Variants in APLF observed in about 807,000 individuals in gnomAD.
APLF encodes the protein aprataxin and PNKP like factor.
A neutral mutation model predicts 55.6 loss-of-function variants in APLF; 61 were observed. The observed-to-expected ratio is 1.10, with a 90% CI of 0.89 to 1.36. The LOEUF is 1.36. Among genes scored for constraint, APLF ranks in the 40% most tolerant of loss-of-function variants. The pLI, the probability that APLF is intolerant of heterozygous loss-of-function variation, is 0.00. For missense variants in APLF, 611 were observed against 602.5 expected (o/e 1.01, Z -0.15); for synonymous variants, 207 against 214.8 (o/e 0.96, Z 0.32).
intron 2 of APLF, 55 bp from the exon 3 acceptor site, chr2:68,502,676 A>G: frequency 1.9e-6 from 2 of 1,074,726 alleles, no homozygotes; most frequent in Non-Finnish European, 2.4e-6. Context: ...GAGTTACAAC[A>G]TTATTGTATT....
At chr2:68,499,622 T>C (rs1676661049) in intron 2 of APLF, among the ~76,000 whole-genome samples, 1 of 152,154 alleles carries the variant, frequency 6.6e-6, no homozygotes, top group Non-Finnish European at 1.5e-5. Flanking sequence ...GTGGATCACT[T>C]GAGGCCAGGA....
intron 5 of APLF, among the ~76,000 whole-genome samples, chr2:68,515,230 C>T (rs1300114006): frequency 1.3e-5 from 2 of 151,544 alleles, no homozygotes; most frequent in East Asian, 3.9e-4. Context: ...AAGACTTTTG[C>T]AGTAAGTTAT....
chr2:68,485,809 C>A (rs1010284148), intron 1 of APLF, among the ~76,000 whole-genome samples: 1 of 129,204 alleles, frequency 7.7e-6, no homozygotes, highest in Non-Finnish European at 1.6e-5. Context: ...TTTATTATCT[C>A]TTTTTTTTTT....
chr2:68,521,074 T>TTTTG (rs374426866), intron 5 of APLF, among the ~76,000 whole-genome samples: 3 of 151,824 alleles, frequency 2.0e-5, no homozygotes, highest in Non-Finnish European at 2.9e-5. Context: ...TTTGTTTTTG[T>TTTTG]TTTGTTTGTT....
chr2:68,481,613 A>G (rs2103889737), intron 1 of APLF, among the ~76,000 whole-genome samples: 1 of 152,092 alleles, frequency 6.6e-6, no homozygotes, highest in African/African-American at 2.4e-5. Flanking sequence ...TTATTTGAGA[A>G]CTTTTGCGCT....
rs1669478600 is a variant in APLF, at chr2:68,513,588, C to T, written c.530C>T (p.Pro177Leu). 1.2e-6 allele frequency: 2 copies of T among 1,611,368 alleles called. 1 individual carries two copies. Among genetic ancestry groups the T allele is most frequent in the East Asian group, 4.5e-5 (2 of 44,784 alleles). ...GENRDCNKQQPILAERKRILP... is the reference protein window; with the variant it reads ...GENRDCNKQQLILAERKRILP... ...AATAGAGACTGCAATAAGCAGCAGC[C>T]AATCCTTGCCGAGAGGAAAAGAATC... Residue 177 changes from proline to leucine, a missense_variant, in exon 5 of 10, where the codon CCA becomes CTA. Physicochemically the swap from Pro to Leu is moderately conservative, Grantham distance 98. Transcript: ENST00000303795.
At chr2:68,489,949 C>T (rs181443187) in intron 1 of APLF, among the ~76,000 whole-genome samples, 192 of 152,120 alleles carry the variant, frequency 1.3e-3, no homozygotes, top group African/African-American at 4.5e-3. Context: ...TTTTGGGATC[C>T]GTTAGATTCT....
At chr2:68,532,355 A>G (rs1383152534) in intron 6 of APLF, among the ~76,000 whole-genome samples, 1 of 152,222 alleles carries the variant, frequency 6.6e-6, no homozygotes, top group Non-Finnish European at 1.5e-5. Context: ...GAGAGAAGGG[A>G]CAAAAATCAC....
intron 1 of APLF, among the ~76,000 whole-genome samples, chr2:68,468,597 C>T (rs1003168589): frequency 2.6e-5 from 4 of 152,188 alleles, no homozygotes; most frequent in African/African-American, 9.7e-5. Flanking sequence ...ATATTCTCTA[C>T]CTTCTTTGGG....
At chr2:68,518,378 GTATTA>G (rs1302672233) in intron 5 of APLF, among the ~76,000 whole-genome samples, 1 of 106,726 alleles carries the variant, frequency 9.4e-6, no homozygotes, top group East Asian at 2.8e-4. Context: ...ATATATGACT[GTATTA>G]TATTATTAAT....
intron 1 of APLF, among the ~76,000 whole-genome samples, chr2:68,473,270 A>T (rs1675676218): frequency 6.6e-6 from 1 of 152,228 alleles, no homozygotes; most frequent in South Asian, 2.1e-4. Flanking sequence ...AGTTGGAGTC[A>T]TACAGTACAT....
intron 1 of APLF, among the ~76,000 whole-genome samples, chr2:68,479,699 A>G (rs1385574403): frequency 6.6e-6 from 1 of 152,222 alleles, no homozygotes; most frequent in Non-Finnish European, 1.5e-5. Context: ...TTGGAACTGT[A>G]TAAAAACTTT....
At chr2:68,562,943 G>T (rs529756622) in intron 8 of APLF, among the ~76,000 whole-genome samples, 17 of 152,086 alleles carry the variant, frequency 1.1e-4, no homozygotes, top group African/African-American at 3.9e-4. Context: ...TCATTTTCTT[G>T]TTAAAGTCCA....
chr2:68,540,778 GTGTGTGTGTA>G (rs142606608), intron 7 of APLF, among the ~76,000 whole-genome samples: 14,342 of 152,000 alleles, frequency 0.094, 799 homozygotes, highest in African/African-American at 0.15. Context: ...ATGCGTGTGT[GTGTGTGTGTA>G]TGTGTGTGTA....
chr2:68,505,006 C>CATTT (rs754056238), intron 3 of APLF, among the ~76,000 whole-genome samples: 38 of 151,956 alleles, frequency 2.5e-4, no homozygotes, highest in Admixed American at 7.2e-4. Flanking sequence ...TGGGTGTACG[C>CATTT]ATTTGTCAAA....
At chr2:68,575,870 T>G (rs1473807089) in intron 9 of APLF, among the ~76,000 whole-genome samples, 1 of 152,018 alleles carries the variant, frequency 6.6e-6, no homozygotes, top group Non-Finnish European at 1.5e-5. Context: ...GATAAATGAG[T>G]CTGGAATTCA....
chr2:68,495,859 A>G (rs941518703), intron 2 of APLF, among the ~76,000 whole-genome samples: 3 of 152,208 alleles, frequency 2.0e-5, no homozygotes, highest in Non-Finnish European at 4.4e-5. Flanking sequence ...TGCATCCTCC[A>G]AAATGGCAGC....
rs548864159 is a variant in APLF at position 68,560,503 on chromosome 2, C to G, written c.1287-6838C>G. Reference sequence around the variant, plus strand: ...TCATAATGGAAAAATTTATAAACTACTATGTTCCTTACAGTATTTAAATAA... The same window carrying G: ...TCATAATGGAAAAATTTATAAACTAGTATGTTCCTTACAGTATTTAAATAA... On this transcript the variant is annotated intron_variant, in intron 8 of 9. Transcript: ENST00000303795. Among the ~76,000 whole-genome samples, 355 of 152,126 alleles carry G rather than the reference C, an allele frequency of 2.3e-3. 2 individuals carry two copies. The highest frequency in any genetic ancestry group is 5.4e-3 in the South Asian group (26 of 4,830).
chr2:68,574,317 A>G (rs1032115759), intron 9 of APLF, among the ~76,000 whole-genome samples: 1 of 152,192 alleles, frequency 6.6e-6, no homozygotes, highest in Non-Finnish European at 1.5e-5. Context: ...TTTGTTTTAT[A>G]TAACATTTAA....
Sources: allele counts gnomAD v4.1 joint callset (sites outside exome capture counted in the v4.1 genomes callset), GRCh38; gene constraint gnomAD v4.1.1; transcripts MANE v1.5; gene names NCBI Gene and HGNC (gene_info 2026-07-23, HGNC 2026-07-21).